Variants in SGCZ observed in about 807,000 individuals in gnomAD.
SGCZ encodes sarcoglycan zeta.
SGCZ carries 40 observed loss-of-function variants against 41.3 expected under a neutral mutation model. That is an observed-to-expected ratio of 0.97 (90% CI 0.75 to 1.26). The LOEUF (loss-of-function observed/expected upper bound fraction) is 1.26. Among genes scored for constraint, SGCZ ranks in the 50% most tolerant of loss-of-function variants. The pLI, the probability that SGCZ is intolerant of heterozygous loss-of-function variation, is 0.00. For missense variants in SGCZ, 552 were observed against 369.8 expected (o/e 1.49, Z -4.04); for synonymous variants, 206 against 137.5 (o/e 1.50, Z -3.49).
intron 1 of SGCZ, among the ~76,000 whole-genome samples, chr8:14,688,984 G>A (rs541475634): frequency 6.6e-6 from 1 of 151,912 alleles, no homozygotes; most frequent in East Asian, 1.9e-4. Flanking sequence ...CAAACAGAGA[G>A]CCAAATCATG....
At chr8:14,855,821 G>C (rs1254098538) in intron 1 of SGCZ, among the ~76,000 whole-genome samples, 21 of 152,118 alleles carry the variant, frequency 1.4e-4, no homozygotes, top group Admixed American at 1.4e-3. Context: ...GTTTTTGCCA[G>C]CATGTAATTC....
intron 3 of SGCZ, among the ~76,000 whole-genome samples, chr8:14,259,112 T>G (rs1451979913): frequency 6.6e-6 from 1 of 152,322 alleles, no homozygotes; most frequent in South Asian, 2.1e-4. Context: ...ACCTCTAGTA[T>G]ACGGATTTGT....
intron 1 of SGCZ, among the ~76,000 whole-genome samples, chr8:15,087,892 C>G (rs1231167524): frequency 6.6e-6 from 1 of 152,108 alleles, no homozygotes; most frequent in African/African-American, 2.4e-5. Flanking sequence ...AGCTGTCTTA[C>G]TACTTACCAT....
chr8:14,261,095 A>T (rs1264449607), intron 3 of SGCZ, among the ~76,000 whole-genome samples: 2 of 85,072 alleles, frequency 2.4e-5, no homozygotes. Flanking sequence ...CTTCAAGTAT[A>T]ATAAAATAAA....
intron 1 of SGCZ, among the ~76,000 whole-genome samples, chr8:14,683,074 C>T (rs542907748): frequency 6.6e-6 from 1 of 152,084 alleles, no homozygotes; most frequent in East Asian, 1.9e-4. Context: ...TGTGAAAACC[C>T]ATGATGATAA....
chr8:14,650,083 G>A (rs964496725), intron 1 of SGCZ, among the ~76,000 whole-genome samples: 3 of 152,032 alleles, frequency 2.0e-5, no homozygotes, highest in Admixed American at 2.0e-4. Flanking sequence ...ATTCTCAGGG[G>A]TTTGACTGAG....
chr8:14,610,884 T>G (rs1805905920), intron 1 of SGCZ, among the ~76,000 whole-genome samples: 1 of 152,182 alleles, frequency 6.6e-6, no homozygotes, highest in Non-Finnish European at 1.5e-5. Flanking sequence ...AATATTCAGA[T>G]AATATTTATG....
intron 1 of SGCZ, among the ~76,000 whole-genome samples, chr8:14,736,080 C>G (rs986664950): frequency 2.0e-5 from 3 of 152,080 alleles, no homozygotes; most frequent in Non-Finnish European, 4.4e-5. Flanking sequence ...CATCTAATGT[C>G]TACAGATTAT....
intron 2 of SGCZ, among the ~76,000 whole-genome samples, chr8:14,352,012 T>C (rs1440860932): frequency 6.6e-6 from 1 of 152,154 alleles, no homozygotes; most frequent in East Asian, 1.9e-4. Context: ...TTGTATGAAA[T>C]ACATAGCACG....
intron 1 of SGCZ, among the ~76,000 whole-genome samples, chr8:14,568,457 A>C (rs1804449796): frequency 6.6e-6 from 1 of 151,818 alleles, no homozygotes; most frequent in Admixed American, 6.6e-5. Flanking sequence ...AAAAAAAAAA[A>C]AAACTAAAGA....
At chr8:15,056,233 G>A (rs776479886) in intron 1 of SGCZ, among the ~76,000 whole-genome samples, 3 of 152,176 alleles carry the variant, frequency 2.0e-5, no homozygotes, top group Non-Finnish European at 2.9e-5. Context: ...ATCCTTTGGA[G>A]CTTTCAGCTG....
chr8:14,388,765 T>C lies in SGCZ; in HGVS notation c.235-64561A>G, dbSNP rs371808647. Among the ~76,000 whole-genome samples the C allele has an allele frequency of 3.4e-4, 52 of 151,632 alleles. No individual in the cohort carries two copies. The East Asian group carries it at 5.4e-3, about 16-fold the overall frequency. On this transcript the variant is annotated intron_variant, in intron 2 of 7. Transcript: ENST00000382080. ...CAGTCTGTACAACAAACCTCCATGA[T>C]GCAAGTTTACTATGTAAAAAACCTG...
At chr8:14,597,491 G>T (rs1408896796) in intron 1 of SGCZ, among the ~76,000 whole-genome samples, 2 of 152,104 alleles carry the variant, frequency 1.3e-5, no homozygotes, top group Non-Finnish European at 2.9e-5. Flanking sequence ...GTTTTGAAAT[G>T]GAGTTTCACT....
chr8:14,844,542 C>T (rs73535051), intron 1 of SGCZ, among the ~76,000 whole-genome samples: 1,977 of 152,206 alleles, frequency 0.013, 29 homozygotes, highest in African/African-American at 0.031. Flanking sequence ...AAATTGTTTG[C>T]CATAGTATGC....
chr8:14,597,403 AGATT>A (rs1181818000), intron 1 of SGCZ, among the ~76,000 whole-genome samples: 1 of 152,234 alleles, frequency 6.6e-6, no homozygotes, highest in African/African-American at 2.4e-5. Flanking sequence ...ATTTATAAAT[AGATT>A]ATTATAGACA....
chr8:15,011,630 T>G lies in SGCZ; in HGVS notation c.39+225955A>C, dbSNP rs185110202. Among the ~76,000 whole-genome samples, 16 of 152,302 alleles carry G rather than the reference T, an allele frequency of 1.1e-4. No homozygotes were observed. The East Asian group carries it at 2.9e-3, about 28-fold the overall frequency. ...ACTCCCAGACTATCTCAATTTTGAA[T>G]AAATTCTTCCATCATGTATTACTAC... On this transcript the variant is annotated intron_variant, in intron 1 of 7. Transcript: ENST00000382080.
chr8:14,602,023 G>C (rs1450656552), intron 1 of SGCZ, among the ~76,000 whole-genome samples: 6 of 152,114 alleles, frequency 3.9e-5, no homozygotes, highest in African/African-American at 9.7e-5. Context: ...GGGAGGCTGA[G>C]GCAGGAGAAT....
At chr8:14,445,464 T>C (rs1800403798) in intron 2 of SGCZ, among the ~76,000 whole-genome samples, 1 of 152,100 alleles carries the variant, frequency 6.6e-6, no homozygotes, top group South Asian at 2.1e-4. Flanking sequence ...AGAGGGATGA[T>C]TTAACTTTGA....
In SGCZ at chr8:14,583,031, G is replaced by T. The variant is rs1244833196; in HGVS notation, c.40-28105C>A. Among the ~76,000 whole-genome samples, 22 of 150,864 alleles carry T rather than the reference G, an allele frequency of 1.5e-4. No homozygotes were observed. In the East Asian group the frequency reaches 4.3e-3, roughly 30 times the overall value. On this transcript the variant is annotated intron_variant, in intron 1 of 7. Coordinates refer to ENST00000382080, the MANE Select transcript of SGCZ (RefSeq NM_139167.4). ...TCCTTTGGGTATATACCCAGTAATG[G>T]GATGGCTGGGTCAAATGGTATTTCT...
Sources: allele counts gnomAD v4.1 joint callset (sites outside exome capture counted in the v4.1 genomes callset), GRCh38; gene constraint gnomAD v4.1.1; transcripts MANE v1.5; gene names NCBI Gene and HGNC (gene_info 2026-07-23, HGNC 2026-07-21).